The following MRPS6 variants were observed in gnomAD, a reference collection of about 807,000 sequenced individuals.
The protein encoded by MRPS6 is small ribosomal subunit protein bS6m.
MRPS6 carries 6 observed loss-of-function variants against 13.1 expected under a neutral mutation model. The ratio of observed to expected loss-of-function variants is 0.46; its 90% CI spans 0.25 to 0.91. MRPS6 has a LOEUF of 0.91. Among genes scored for constraint, MRPS6 ranks in the 40% least tolerant of loss-of-function variants. The pLI, the probability that MRPS6 is intolerant of heterozygous loss-of-function variation, is 0.18. For synonymous variants in MRPS6, 61 were observed against 56.5 expected (o/e 1.08, Z -0.36); for missense variants, 164 against 155.6 (o/e 1.05, Z -0.29).
At chr21:34,103,668 C>T in intron 1 of MRPS6, 3 of 1,000,074 alleles carry the variant, frequency 3.0e-6, no homozygotes, top group Non-Finnish European at 3.6e-6. Flanking sequence ...TAAAGGCCAC[C>T]AGGTATTTGT....
At chr21:34,118,535 C>T (rs1267476542) in intron 1 of MRPS6, among the ~76,000 whole-genome samples, 3 of 144,588 alleles carry the variant, frequency 2.1e-5, no homozygotes, top group African/African-American at 7.9e-5. Context: ...TCATTAGTTA[C>T]TCCACATTTC....
chr21:34,100,750 T>G lies in MRPS6; in HGVS notation c.46-24591T>G, dbSNP rs547706448. On this transcript the variant is annotated intron_variant, in intron 1 of 2. Coordinates refer to ENST00000399312, the MANE Select transcript of MRPS6 (RefSeq NM_032476.4). ...GAGAGCCAATAGAGTGTGTCTGTATTCGCAGTCCATGGCTCATTTTCTTTA... is the reference window on the plus strand; with the variant it reads ...GAGAGCCAATAGAGTGTGTCTGTATGCGCAGTCCATGGCTCATTTTCTTTA... The G allele has an allele frequency of 5.3e-5, 53 of 1,000,212 alleles. No homozygotes were observed. In the South Asian group the frequency reaches 6.6e-4, roughly 12 times the overall value. 62.0% of individuals were successfully genotyped at this position (1,000,212 alleles called of 1,614,324 possible).
At chr21:34,087,318 T>C (rs1203494892) in intron 1 of MRPS6, among the ~76,000 whole-genome samples, 1 of 152,020 alleles carries the variant, frequency 6.6e-6, no homozygotes, top group African/African-American at 2.4e-5. Context: ...CCACTGTTGA[T>C]GGTAATATAG....
chr21:34,084,775 CA>C (rs1211551770), intron 1 of MRPS6, among the ~76,000 whole-genome samples: 1 of 152,144 alleles, frequency 6.6e-6, no homozygotes, highest in Non-Finnish European at 1.5e-5. Flanking sequence ...CCAGTCTGCT[CA>C]CCTCTGTTTT....
chr21:34,096,366 T>A lies in MRPS6; in HGVS notation c.45+22621T>A. On this transcript the variant is annotated intron_variant, in intron 1 of 2. Transcript: ENST00000399312. This position sits in a 1 kb window ranked among gnomAD's most constrained non-coding sequence, Gnocchi z 5.9. ...TATCTTTAACAGTGCCAGTACCATA[T>A]TCACCCTCGATGTGTACAAACTTAT... 1 of 1,614,160 alleles carries A rather than the reference T, an allele frequency of 6.2e-7. No individual in the cohort carries two copies.
chr21:34,138,640 C>T (rs1980789369), intron 2 of MRPS6, among the ~76,000 whole-genome samples: 1 of 151,876 alleles, frequency 6.6e-6, no homozygotes, highest in Non-Finnish European at 1.5e-5. Context: ...CAATGACATA[C>T]CATCTCACAC....
intron 1 of MRPS6, chr21:34,102,220 A>G: frequency 1.0e-6 from 1 of 999,904 alleles, no homozygotes; most frequent in Middle Eastern, 5.2e-4. Flanking sequence ...GGTTCAAAGT[A>G]ATTAACTGGC....
intron 1 of MRPS6, chr21:34,105,663 A>T (rs1366159790): frequency 2.0e-6 from 2 of 998,422 alleles, no homozygotes; most frequent in African/African-American, 1.7e-5. Context: ...ATTATAAATG[A>T]AGTTGATGAA....
intron 2 of MRPS6, among the ~76,000 whole-genome samples, chr21:34,142,068 G>T (rs923346845): frequency 2.2e-4 from 34 of 152,184 alleles, no homozygotes; most frequent in Non-Finnish European, 1.5e-4. Flanking sequence ...GGAAAATTCA[G>T]TCTCGTCAAT....
At chr21:34,125,706 G>A (rs73899992) in intron 2 of MRPS6, among the ~76,000 whole-genome samples, 2,549 of 152,190 alleles carry the variant, frequency 0.017, 78 homozygotes, top group African/African-American at 0.057. Flanking sequence ...AGGAGCAAAG[G>A]GCTTACCAAG....
chr21:34,118,557 C>CTTTTTTTTT (rs373895797), intron 1 of MRPS6, among the ~76,000 whole-genome samples: 1 of 133,160 alleles, frequency 7.5e-6, no homozygotes, highest in African/African-American at 2.9e-5. Context: ...TTCTTTCTTT[C>CTTTTTTTTT]TTTTTTTTTT....
At chr21:34,128,292 A>G (rs917866744) in intron 2 of MRPS6, among the ~76,000 whole-genome samples, 11 of 152,174 alleles carry the variant, frequency 7.2e-5, no homozygotes, top group African/African-American at 2.7e-4. Flanking sequence ...GCTGACGGGT[A>G]GGTATCTCTG....
At position 34,100,218 on chromosome 21, in the gene MRPS6, C is replaced by T. The variant is rs545438615; in HGVS notation, c.46-25123C>T. ...TGTCTTACCAGGTGTTAATGGTATCCCCAGTTCTTAGACTTTTGTCTTCTC... is the reference window on the plus strand; with the variant it reads ...TGTCTTACCAGGTGTTAATGGTATCTCCAGTTCTTAGACTTTTGTCTTCTC... On this transcript the variant is annotated intron_variant, in intron 1 of 2. Transcript: ENST00000399312. 5.1e-4 allele frequency: 508 copies of T among 1,000,098 alleles called. 4 individuals carry two copies. The Middle Eastern group carries it at 5.2e-3, about 10-fold the overall frequency. 62.0% of individuals were successfully genotyped at this position (1,000,098 alleles called of 1,614,324 possible).
intron 1 of MRPS6, among the ~76,000 whole-genome samples, chr21:34,118,332 A>G (rs946886874): frequency 3.3e-5 from 5 of 152,132 alleles, no homozygotes; most frequent in African/African-American, 1.2e-4. Context: ...TAAGCTAGAG[A>G]AAAAGCAAGT....
At chr21:34,125,191 A>G (rs769091722) in intron 1 of MRPS6, 150 bp from the exon 2 acceptor site, 2 of 1,200,250 alleles carry the variant, frequency 1.7e-6, no homozygotes, top group Non-Finnish European at 2.2e-6. Context: ...TTTTATTTTA[A>G]GTTAACCAAA....
intron 1 of MRPS6, chr21:34,105,187 C>T (rs118183140): frequency 0.021 from 20,753 of 1,000,122 alleles, 261 homozygotes; most frequent in Middle Eastern, 0.031. Context: ...TTATAGATTG[C>T]CAGCAGAGTT....
At chr21:34,140,659 T>A (rs1980877626) in intron 2 of MRPS6, among the ~76,000 whole-genome samples, 1 of 152,250 alleles carries the variant, frequency 6.6e-6, no homozygotes, top group Admixed American at 6.5e-5. Flanking sequence ...AAGAGGAATG[T>A]TAAAAGACTT....
chr21:34,139,190 G>T (rs1204022956), intron 2 of MRPS6, among the ~76,000 whole-genome samples: 1 of 107,350 alleles, frequency 9.3e-6, no homozygotes, highest in African/African-American at 3.8e-5. Flanking sequence ...CTGTTGTGGG[G>T]TGGGGGGAGG....
intron 1 of MRPS6, chr21:34,100,328 A>G (rs1979176559): frequency 3.0e-6 from 3 of 1,000,146 alleles, no homozygotes; most frequent in South Asian, 4.7e-5. Flanking sequence ...TGGGACCTCT[A>G]ATTTCCCTGG....
Sources: allele counts gnomAD v4.1 joint callset (sites outside exome capture counted in the v4.1 genomes callset), GRCh38; gene constraint gnomAD v4.1.1; non-coding constraint Gnocchi (gnomAD v3.1); transcripts MANE v1.5; gene names NCBI Gene and HGNC (gene_info 2026-07-23, HGNC 2026-07-21).